Variants in DOK6 observed in about 807,000 individuals in gnomAD.
DOK6 encodes the protein docking protein 6, also known as downstream of tyrosine kinase 6.
DOK6 carries 22 observed loss-of-function variants against 44.0 expected under a neutral mutation model. The ratio of observed to expected loss-of-function variants is 0.50; its 90% CI spans 0.36 to 0.71. The LOEUF (loss-of-function observed/expected upper bound fraction) is 0.71. DOK6 is among the 30% of genes least tolerant of loss of function. The pLI is 0.00. For missense variants in DOK6, 340 were observed against 416.4 expected, an observed-to-expected ratio of 0.82 and a Z score of 1.60; for synonymous variants, 166 against 145.5, an observed-to-expected ratio of 1.14 and a Z score of -1.01.
chr18:69,601,707 AAAT>A (rs1983876862), intron 3 of DOK6, among the ~76,000 whole-genome samples: 1 of 152,186 alleles, frequency 6.6e-6, no homozygotes. Context: ...TAGAATTTTA[AAAT>A]AAAACTCCCA....
chr18:69,700,216 C>CATATATATGTATATATAT (rs1986484497), intron 5 of DOK6, among the ~76,000 whole-genome samples: 1 of 124,762 alleles, frequency 8.0e-6, no homozygotes, highest in Non-Finnish European at 1.7e-5. Flanking sequence ...CATATATATA[C>CATATATATGTATATATAT]ATATATATAT....
At chr18:69,763,834 G>A (rs943928692) in intron 7 of DOK6, among the ~76,000 whole-genome samples, 6 of 152,120 alleles carry the variant, frequency 3.9e-5, no homozygotes, top group South Asian at 2.1e-4. Context: ...AGCCATTGAC[G>A]GTACCAGGTG....
intron 1 of DOK6, among the ~76,000 whole-genome samples, chr18:69,530,429 G>C (rs1368819432): frequency 2.6e-5 from 4 of 152,120 alleles, no homozygotes; most frequent in African/African-American, 9.7e-5. Context: ...ACTTTGAACA[G>C]GTAAAGTGTG....
intron 5 of DOK6, among the ~76,000 whole-genome samples, chr18:69,731,293 TTA>T (rs1391649258): frequency 1.4e-5 from 2 of 146,798 alleles, no homozygotes; most frequent in Non-Finnish European, 2.9e-5. Flanking sequence ...TGGTAACTAT[TTA>T]TGTTTTTAAA....
At chr18:69,596,866 G>A (rs1983753906) in intron 2 of DOK6, among the ~76,000 whole-genome samples, 2 of 152,096 alleles carry the variant, frequency 1.3e-5, no homozygotes, top group African/African-American at 4.8e-5. Context: ...AACATATAGA[G>A]TTCTAATATA....
chr18:69,752,877 C>CA (rs1040477606), intron 6 of DOK6, among the ~76,000 whole-genome samples: 2 of 152,128 alleles, frequency 1.3e-5, no homozygotes, highest in Non-Finnish European at 2.9e-5. Context: ...TTACCACAGC[C>CA]AAGGGATCTG....
At chr18:69,611,942 T>C (rs1471182609) in intron 3 of DOK6, among the ~76,000 whole-genome samples, 1 of 79,440 alleles carries the variant, frequency 1.3e-5, no homozygotes, top group Non-Finnish European at 2.9e-5. Context: ...ATTAATTATA[T>C]AAAACTTACA....
intron 1 of DOK6, among the ~76,000 whole-genome samples, chr18:69,426,372 TA>T (rs1374018952): frequency 6.6e-6 from 1 of 152,174 alleles, no homozygotes; most frequent in Non-Finnish European, 1.5e-5. Flanking sequence ...AAGATTTGAA[TA>T]AAAAATTCAT....
At position 69,804,341 on chromosome 18, in the gene DOK6, G is replaced by A. The variant is rs111962757; in HGVS notation, c.857-36903G>A. 3.5e-3 allele frequency among the ~76,000 whole-genome samples: 538 copies of A among 152,260 alleles called. 3 individuals are homozygous for A. Among genetic ancestry groups the A allele is most frequent in the African/African-American group, 0.012 (492 of 41,556 alleles). On this transcript the variant is annotated intron_variant, in intron 7 of 7. Coordinates refer to ENST00000382713, the MANE Select transcript of DOK6 (RefSeq NM_152721.6). Reference sequence around the variant, plus strand: ...TTGCTCAGAAAAATGAAGACATTTTGTGCTGTTGAGGTTTAGAAAATCTCC... The same window carrying A: ...TTGCTCAGAAAAATGAAGACATTTTATGCTGTTGAGGTTTAGAAAATCTCC...
intron 4 of DOK6, among the ~76,000 whole-genome samples, chr18:69,693,306 T>A (rs1986308280): frequency 8.5e-6 from 1 of 118,198 alleles, no homozygotes; most frequent in Non-Finnish European, 1.8e-5. Context: ...AAAAGTCTTC[T>A]TTGAAGAAAA....
intron 4 of DOK6, among the ~76,000 whole-genome samples, chr18:69,681,907 G>A (rs931274857): frequency 3.9e-5 from 6 of 152,174 alleles, no homozygotes; most frequent in Admixed American, 3.3e-4. Context: ...TGCTACTGAT[G>A]CAAGAGATCT....
intron 7 of DOK6, among the ~76,000 whole-genome samples, chr18:69,774,156 A>ATAT (rs1473888911): frequency 5.1e-5 from 6 of 116,658 alleles, no homozygotes; most frequent in South Asian, 2.9e-4. Context: ...ATATATATAT[A>ATAT]ATGTAATACT....
At chr18:69,567,219 G>C (rs745417561) in intron 2 of DOK6, among the ~76,000 whole-genome samples, 2 of 152,100 alleles carry the variant, frequency 1.3e-5, no homozygotes, top group Non-Finnish European at 2.9e-5. Context: ...GCCATGCACT[G>C]GGGATACAGT....
intron 1 of DOK6, among the ~76,000 whole-genome samples, chr18:69,448,913 T>C (rs1158025257): frequency 6.6e-6 from 1 of 152,234 alleles, no homozygotes; most frequent in Non-Finnish European, 1.5e-5. Context: ...TTTTCAAAAG[T>C]AGAATATATC....
intron 1 of DOK6, among the ~76,000 whole-genome samples, chr18:69,402,576 A>C (rs1306841266): frequency 6.6e-6 from 1 of 152,180 alleles, no homozygotes. Flanking sequence ...GGAAAGGCAG[A>C]CTTGACTCTT....
chr18:69,548,918 C>G (rs989987760), intron 1 of DOK6, among the ~76,000 whole-genome samples: 1 of 151,010 alleles, frequency 6.6e-6, no homozygotes, highest in Non-Finnish European at 1.5e-5. Flanking sequence ...ATGGTGAAAC[C>G]CCGTCTCTAC....
chr18:69,673,912 C>T (rs1290232825), intron 3 of DOK6, among the ~76,000 whole-genome samples: 1 of 152,146 alleles, frequency 6.6e-6, no homozygotes, highest in East Asian at 1.9e-4. Context: ...ATTATTTACA[C>T]ATTATGTGTA....
At chr18:69,460,857 A>G (rs867469505) in intron 1 of DOK6, among the ~76,000 whole-genome samples, 1 of 152,182 alleles carries the variant, frequency 6.6e-6, no homozygotes, top group Non-Finnish European at 1.5e-5. Context: ...GACTTCGATC[A>G]TGCCCACTTT....
At position 69,728,104 on chromosome 18, in the gene DOK6, T is replaced by C. The variant is rs1040171989; in HGVS notation, c.600-10861T>C. ...ACTGAAACCCCTGATCCTGACCAGTTTCCTCGATCCTAGATTTCTCACACC... is the reference window on the plus strand; with the variant it reads ...ACTGAAACCCCTGATCCTGACCAGTCTCCTCGATCCTAGATTTCTCACACC... On this transcript the variant is annotated intron_variant, in intron 5 of 7. Transcript: ENST00000382713. Among the ~76,000 whole-genome samples the C allele has an allele frequency of 6.6e-5, 10 of 152,212 alleles. No individual in the cohort carries two copies. The East Asian group carries it at 1.7e-3, about 26-fold the overall frequency.
Sources: allele counts gnomAD v4.1 joint callset (sites outside exome capture counted in the v4.1 genomes callset), GRCh38; gene constraint gnomAD v4.1.1; transcripts MANE v1.5; gene names NCBI Gene and HGNC (gene_info 2026-07-23, HGNC 2026-07-21).